DIP2C: variants seen among roughly 807,000 people sequenced by gnomAD.
DIP2C encodes the protein DIP2 acetate--CoA ligase C (putative).
DIP2C carries 33 observed loss-of-function variants against 192.4 expected under a neutral mutation model. That is an observed-to-expected ratio of 0.17 (90% CI 0.13 to 0.23). The LOEUF (loss-of-function observed/expected upper bound fraction) is 0.23, where lower values mean the gene tolerates loss of function less well. Among genes scored for constraint, DIP2C ranks in the 10% least tolerant of loss-of-function variants. DIP2C has a pLI of 1.00. For missense variants in DIP2C, 1,537 were observed against 2,110.1 expected, an observed-to-expected ratio of 0.73 and a Z score of 5.32; for synonymous variants, 979 against 864.1, an observed-to-expected ratio of 1.13 and a Z score of -2.33.
At chr10:441,862 G>A (rs1420442336) in intron 3 of DIP2C, among the ~76,000 whole-genome samples, 1 of 150,646 alleles carries the variant, frequency 6.6e-6, no homozygotes, top group Non-Finnish European at 1.5e-5. Flanking sequence ...AGTCCCTAAG[G>A]GCTGGGAACG....
At chr10:472,026 G>A (rs2133442192) in intron 3 of DIP2C, among the ~76,000 whole-genome samples, 1 of 152,262 alleles carries the variant, frequency 6.6e-6, no homozygotes. Flanking sequence ...ATAAAACACA[G>A]ATGAAAGACA....
chr10:576,170 C>T (rs1169809854), intron 1 of DIP2C, among the ~76,000 whole-genome samples: 1 of 152,216 alleles, frequency 6.6e-6, no homozygotes, highest in Non-Finnish European at 1.5e-5. Flanking sequence ...AGCAGAATGT[C>T]ACATGTCCAG....
intron 1 of DIP2C, among the ~76,000 whole-genome samples, chr10:493,457 C>G (rs777177517): frequency 2.0e-5 from 3 of 152,132 alleles, no homozygotes; most frequent in East Asian, 3.9e-4. Context: ...TTGGGGGGAG[C>G]GAGAAGGGGC....
intron 1 of DIP2C, among the ~76,000 whole-genome samples, chr10:685,776 A>G (rs1464943780): frequency 1.3e-5 from 2 of 152,184 alleles, no homozygotes; most frequent in African/African-American, 4.8e-5. Context: ...AGCCTAGCCA[A>G]CATGATGAAA....
At chr10:389,856 C>A in intron 13 of DIP2C, 135 bp downstream of exon 13, 1 of 725,276 alleles carries the variant, frequency 1.4e-6, no homozygotes, top group Non-Finnish European at 2.4e-6. Context: ...CCTAACTCAA[C>A]AATAAGTTCA....
chr10:333,966 A>G (rs972404873), intron 29 of DIP2C, among the ~76,000 whole-genome samples: 2 of 152,114 alleles, frequency 1.3e-5, no homozygotes, highest in South Asian at 2.1e-4. Flanking sequence ...ATATCTATTC[A>G]GATCTCTTGC....
At chr10:497,093 C>T (rs1277498535) in intron 1 of DIP2C, among the ~76,000 whole-genome samples, 1 of 152,058 alleles carries the variant, frequency 6.6e-6, no homozygotes, top group East Asian at 1.9e-4. Context: ...CACTGCACTC[C>T]AGCCTGGGCG....
intron 1 of DIP2C, among the ~76,000 whole-genome samples, chr10:575,054 T>TC (rs1403644953): frequency 6.6e-6 from 1 of 152,090 alleles, no homozygotes; most frequent in African/African-American, 2.4e-5. Flanking sequence ...TATCAATCAG[T>TC]CTGCTGGTCT....
intron 1 of DIP2C, among the ~76,000 whole-genome samples, chr10:508,438 C>T (rs1267572929): frequency 3.9e-5 from 6 of 152,208 alleles, no homozygotes; most frequent in African/African-American, 1.2e-4. Flanking sequence ...TTAATTCTAA[C>T]AGTGCTTACC....
chr10:505,477 G>C (rs1845533382), intron 1 of DIP2C, among the ~76,000 whole-genome samples: 1 of 152,182 alleles, frequency 6.6e-6, no homozygotes, highest in African/African-American at 2.4e-5. Flanking sequence ...CTGATCCCCA[G>C]CTGTACTTCC....
chr10:497,175 C>G (rs573227715), intron 1 of DIP2C, among the ~76,000 whole-genome samples: 3 of 152,108 alleles, frequency 2.0e-5, no homozygotes, highest in Non-Finnish European at 4.4e-5. Flanking sequence ...CCCCAAACAA[C>G]GTGAGTGCTA....
At chr10:506,010 C>T (rs1310379258) in intron 1 of DIP2C, among the ~76,000 whole-genome samples, 1 of 151,964 alleles carries the variant, frequency 6.6e-6, no homozygotes, top group East Asian at 1.9e-4. Flanking sequence ...ACGCAGGTGA[C>T]AAAAGGAGGT....
intron 1 of DIP2C, among the ~76,000 whole-genome samples, chr10:543,583 T>C (rs1848120166): frequency 6.6e-6 from 1 of 152,212 alleles, no homozygotes; most frequent in African/African-American, 2.4e-5. Flanking sequence ...CTGTAACATA[T>C]AGTATGGATC....
intron 2 of DIP2C, among the ~76,000 whole-genome samples, chr10:476,069 A>G (rs1056932261): frequency 1.3e-5 from 2 of 152,242 alleles, no homozygotes; most frequent in African/African-American, 4.8e-5. Context: ...CATCACAGGA[A>G]GACTAGAAGC....
At position 415,727 on chromosome 10, in the gene DIP2C, T is replaced by C. The variant is rs138587516; in HGVS notation, c.859+42A>G. 1.2e-4 allele frequency: 194 copies of C among 1,610,346 alleles called. No homozygotes were observed. In the East Asian group the frequency reaches 3.0e-3, roughly 25 times the overall value. On this transcript the variant is annotated intron_variant, in intron 7 of 36. Coordinates refer to ENST00000280886, the MANE Select transcript of DIP2C (RefSeq NM_014974.3). ...AAAAATATCATTGTTTACGGGACCA[T>C]AGGAGCATCTGGAAGAAACGTGTGG...
At chr10:350,879 C>T (rs1958768156) in intron 24 of DIP2C, among the ~76,000 whole-genome samples, 1 of 152,112 alleles carries the variant, frequency 6.6e-6, no homozygotes, top group South Asian at 2.1e-4. Context: ...AACTCCTGAC[C>T]TCATGATCCG....
At chr10:337,106 T>TAC (rs1957839928) in intron 29 of DIP2C, among the ~76,000 whole-genome samples, 1 of 119,882 alleles carries the variant, frequency 8.3e-6, no homozygotes, top group Non-Finnish European at 1.7e-5. Context: ...TGTGTGCGTG[T>TAC]GTGTGTTGTG....
At chr10:585,214 C>G (rs907022547) in intron 1 of DIP2C, among the ~76,000 whole-genome samples, 42 of 152,360 alleles carry the variant, frequency 2.8e-4, no homozygotes, top group Non-Finnish European at 2.2e-4. Context: ...CACTTTCCCA[C>G]TGACTTCGTC....
In DIP2C at chr10:344,260, T is replaced by C. The variant is rs368670554; in HGVS notation, c.3453+549A>G. ...TTATTTCATATTGTAGCTACTTTGG[T>C]ATTCCACCTCAGTTCTACTAAGAGG... is the stretch of plus-strand genomic sequence containing the variant. On this transcript the variant is annotated intron_variant, in intron 28 of 36. Transcript: ENST00000280886. Among the ~76,000 whole-genome samples the C allele has an allele frequency of 6.6e-5, 10 of 152,300 alleles. No individual in the cohort carries two copies. In the South Asian group the frequency reaches 1.0e-3, roughly 16 times the overall value.
Sources: allele counts gnomAD v4.1 joint callset (sites outside exome capture counted in the v4.1 genomes callset), GRCh38; gene constraint gnomAD v4.1.1; transcripts MANE v1.5; gene names NCBI Gene and HGNC (gene_info 2026-07-23, HGNC 2026-07-21).